The following STAB1 variants were observed in gnomAD, a reference collection of about 807,000 sequenced individuals.
STAB1 encodes the protein stabilin 1, also known as stabilin-1.
In STAB1, 250 loss-of-function variants were observed where a neutral mutation model predicts 332.4. The observed-to-expected ratio is 0.75, with a 90% CI of 0.68 to 0.84. The LOEUF (loss-of-function observed/expected upper bound fraction) is 0.84. Ranked by LOEUF, STAB1 falls within the 40% of genes least tolerant of loss-of-function variation. STAB1 has a pLI of 0.00. For missense variants in STAB1, 3,249 were observed against 3,489.7 expected (o/e 0.93, Z 1.74); for synonymous variants, 1,475 against 1,390.4 (o/e 1.06, Z -1.35).
chr3:52,519,151 C>T (rs56960576), intron 48 of STAB1, 113 bp from the exon 49 acceptor site: 25,903 of 1,413,908 alleles, frequency 0.018, 294 homozygotes, highest in South Asian at 0.036. Context: ...CCCGAAGAAC[C>T]GGGACTGCCT....
chr3:52,506,958 G>A lies in STAB1; in HGVS notation c.1989+108G>A, dbSNP rs371876806. On this transcript the variant is annotated intron_variant, in intron 18 of 68. Coordinates refer to ENST00000321725, the MANE Select transcript of STAB1 (RefSeq NM_015136.3). ...GCTAAGTCAGGGCTGGGCTGACGCC[G>A]GCTCTGAGGCCCTGCTGGCAGACTC... 34 of 1,463,216 alleles carry A rather than the reference G, an allele frequency of 2.3e-5. No homozygotes were observed. The African/African-American group carries it at 3.4e-4, about 15-fold the overall frequency. The allele number at this position is 1,463,216 out of a possible 1,614,324, so 90.6% of individuals were successfully genotyped here.
intron 38 of STAB1, 28 bp downstream of exon 38, chr3:52,516,266 G>GGGGGGGGGGGCC: frequency 1.0e-5 from 8 of 794,104 alleles, no homozygotes; most frequent in Non-Finnish European, 1.5e-5. Context: ...GCGGGGGTGG[G>GGGGGGGGGGGCC]CCTCCTGGCA....
At chr3:52,502,451 A>T (rs1012943212) in intron 5 of STAB1, among the ~76,000 whole-genome samples, 181 bp from the exon 6 acceptor site, 1 of 152,160 alleles carries the variant, frequency 6.6e-6, no homozygotes, top group Non-Finnish European at 1.5e-5. Flanking sequence ...TGTGAGCCCC[A>T]GGCCGGGCCA....
At position 52,513,116 on chromosome 3, in the gene STAB1, CTG is replaced by C. The variant is rs542328324; in HGVS notation, c.3159-11_3159-10del. The C allele has an allele frequency of 2.5e-4, 383 of 1,558,256 alleles. No individual in the cohort carries two copies. The highest frequency in any genetic ancestry group is 7.0e-4 in the Admixed American group (36 of 51,544). On this transcript the variant is annotated splice_polypyrimidine_tract_variant and intron_variant, in intron 29 of 68. Transcript: ENST00000321725. ...AACCTGATTCCATGACCCCCCTAAA[CTG>C]TGCCCTGTCAGGGCCCATTTTCTCC...
chr3:52,508,592 C>T (rs1483069923), intron 21 of STAB1: 13 of 506,386 alleles, frequency 2.6e-5, no homozygotes, highest in South Asian at 7.2e-5. Flanking sequence ...GACGCTGAGG[C>T]GGGCAGATCA....
In STAB1 at chr3:52,514,464, CA is replaced by C; in HGVS notation, c.3647del (p.His1216ProfsTer14). 6.5e-7 allele frequency: 1 copy of C among 1,539,638 alleles called. No individual in the cohort carries two copies. The highest frequency in any genetic ancestry group is 8.7e-7 in the Non-Finnish European group (1 of 1,145,064). On this transcript the variant is annotated frameshift_variant, in exon 34 of 69. Coordinates refer to ENST00000321725, the MANE Select transcript of STAB1 (RefSeq NM_015136.3). LOFTEE classifies it high-confidence loss of function. ...CCGCAACTCCCTCCTGGGCCCTGCC[CA>C]CTGGATCGTCTTCTACAACCACAGT... The part of the protein sequence containing the change: ...GHRNSLLGPA[H>X]WIVFYNHSGQ...
In STAB1 at chr3:52,513,129, G is replaced by A. The variant is rs1709418471; in HGVS notation, c.3159-1G>A. The A allele has an allele frequency of 6.4e-7, 1 of 1,564,100 alleles. No homozygotes were observed. Among genetic ancestry groups the A allele is most frequent in the Admixed American group, 1.9e-5 (1 of 52,140 alleles). ...GACCCCCCTAAACTGTGCCCTGTCAGGGCCCATTTTCTCCAGGGTGCCCTC... is the reference window on the plus strand; with the variant it reads ...GACCCCCCTAAACTGTGCCCTGTCAAGGCCCATTTTCTCCAGGGTGCCCTC... On this transcript the variant is annotated splice_acceptor_variant, in intron 29 of 68. Transcript: ENST00000321725. LOFTEE classifies it high-confidence loss of function.
In STAB1 at chr3:52,515,486, A is replaced by T. The variant is rs750743107; in HGVS notation, c.3928A>T (p.Thr1310Ser). ...CTCCTTCTCCCGGGGCTGCTCTTAC[A>T]CATGTGCCAAGAAGATCCAGGTTTG... ...GFSFSRGCSY[T>S]CAKKIQVPDC... Residue 1310 changes from threonine to serine, a missense_variant, in exon 37 of 69, where the codon ACA becomes TCA. Transcript: ENST00000321725. 9 of 1,613,276 alleles carry T rather than the reference A, an allele frequency of 5.6e-6. No individual in the cohort carries two copies. The highest frequency in any genetic ancestry group is 7.6e-6 in the Non-Finnish European group (9 of 1,179,958).
At chr3:52,498,265 T>G (rs1708189327) in intron 1 of STAB1, among the ~76,000 whole-genome samples, 1 of 150,994 alleles carries the variant, frequency 6.6e-6, no homozygotes. Context: ...CTGCGGGGGG[T>G]GTGGGGTTGG....
At chr3:52,495,642 A>G in intron 1 of STAB1, 151 bp downstream of exon 1, 1 of 688,514 alleles carries the variant, frequency 1.5e-6, no homozygotes, top group Non-Finnish European at 2.0e-6. Context: ...GGGGCTGGCT[A>G]TTGTGCCCAC....
chr3:52,523,673 A>T lies in STAB1; in HGVS notation c.7312A>T (p.Ser2438Cys). ...APVAPGTVVV[S>C]RIIVWDIMAF... The stretch of plus-strand genomic sequence containing the variant: ...GCAGGCCCCAGGGACAGTTGTGGTT[A>T]GCCGTATCATTGTGTGGGACATCAT... The change falls in exon 66 of 69, where the codon AGC (serine) becomes TGC (cysteine). Residue 2438 changes from serine to cysteine, a missense_variant. Transcript: ENST00000321725. The T allele has an allele frequency of 6.2e-7, 1 of 1,612,846 alleles. No individual in the cohort carries two copies. Among genetic ancestry groups the T allele is most frequent in the Non-Finnish European group, 8.5e-7 (1 of 1,179,924 alleles).
In STAB1 at chr3:52,512,975, C is replaced by T; in HGVS notation, c.3158+17C>T. ...CCTGGTCAGGTGGGGCCGCCATTGC[C>T]AGGCTGTGGGAGGGGCTTCCTTGAG... On this transcript the variant is annotated intron_variant, in intron 29 of 68. Transcript: ENST00000321725. 6.2e-7 allele frequency: 1 copy of T among 1,603,964 alleles called. No homozygotes were observed. Among genetic ancestry groups the T allele is most frequent in the South Asian group, 1.1e-5 (1 of 90,462 alleles).
In STAB1 at chr3:52,523,655, C is replaced by T. The variant is rs777941243; in HGVS notation, c.7294C>T (p.Pro2432Ser). Residue 2432 changes from proline to serine, a missense_variant, in exon 66 of 69, where the codon CCA becomes TCA. Pro to Ser is a moderately conservative substitution (Grantham distance 74, BLOSUM62 -1). Transcript: ENST00000321725. Reference sequence around the variant, plus strand: ...CCTGACTCTGGTCTCCCTGCAGGCCCCAGGGACAGTTGTGGTTAGCCGTAT... The same window carrying T: ...CCTGACTCTGGTCTCCCTGCAGGCCTCAGGGACAGTTGTGGTTAGCCGTAT... ...PDNSSWAPVA[P>S]GTVVVSRIIV... The T allele has an allele frequency of 1.4e-5, 22 of 1,612,834 alleles. No homozygotes were observed. The highest frequency in any genetic ancestry group is 1.6e-5 in the Non-Finnish European group (19 of 1,180,000).
intron 57 of STAB1, 23 bp from the exon 58 acceptor site, chr3:52,521,821 G>T (rs1197816654): frequency 3.8e-6 from 6 of 1,593,096 alleles, no homozygotes; most frequent in Non-Finnish European, 5.1e-6. Flanking sequence ...ACCTGGTTCT[G>T]GGGGCTGGGC....
chr3:52,497,407 CTTTTTTT>C (rs1200611448), intron 1 of STAB1, among the ~76,000 whole-genome samples: 56 of 111,790 alleles, frequency 5.0e-4, no homozygotes, highest in South Asian at 2.4e-3. Flanking sequence ...AATTCGATGC[CTTTTTTT>C]TTTTTTTTTT....
chr3:52,522,354 G>A lies in STAB1; in HGVS notation c.6490G>A (p.Ala2164Thr), dbSNP rs141937769. 1.9e-4 allele frequency: 308 copies of A among 1,612,978 alleles called. 1 individual carries two copies. In the South Asian group the frequency reaches 2.0e-3, roughly 10 times the overall value. ...GAACACACGGCGCTGTGAGTGCCAC[G>A]CAGGCTACGTAGGCGATGGACTGCA... ...GLNTRRCECH[A>T]GYVGDGLQCL... The change falls in exon 60 of 69, where the codon GCA becomes ACA. Residue 2164 changes from alanine to threonine, a missense_variant. Coordinates refer to ENST00000321725, the MANE Select transcript of STAB1 (RefSeq NM_015136.3).
chr3:52,515,294 C>T, intron 36 of STAB1, 129 bp from the exon 37 acceptor site: 1 of 958,414 alleles, frequency 1.0e-6, no homozygotes, highest in South Asian at 1.4e-5. Context: ...CTGTCTTGGT[C>T]CCTCTCTGAC....
In STAB1 at chr3:52,501,311, C is replaced by T; in HGVS notation, c.215+9C>T. On this transcript the variant is annotated intron_variant, in intron 2 of 68. Transcript: ENST00000321725. The stretch of plus-strand genomic sequence containing the variant: ...ATAACCCAGGACTGCCGGTGCGGGC[C>T]ACCCCTGTCCTTGCCTGTGTCCAGG... 6.2e-7 allele frequency: 1 copy of T among 1,611,922 alleles called. No homozygotes were observed. The highest frequency in any genetic ancestry group is 8.5e-7 in the Non-Finnish European group (1 of 1,179,042).
intron 40 of STAB1, 43 bp from the exon 41 acceptor site, chr3:52,516,649 A>T: frequency 3.1e-6 from 5 of 1,612,308 alleles, no homozygotes; most frequent in Non-Finnish European, 4.2e-6. Flanking sequence ...TCAAGGCACG[A>T]CTGGACAGGC....
Sources: gnomAD v4.1 joint callset for allele counts (sites outside exome capture counted in the v4.1 genomes callset) on GRCh38, gnomAD v4.1.1 for gene constraint, MANE v1.5 for transcripts, NCBI Gene and HGNC (gene_info 2026-07-23, HGNC 2026-07-21) for gene names.